Variants in BAZ1A observed in about 807,000 individuals in gnomAD.
BAZ1A encodes the protein bromodomain adjacent to zinc finger domain protein 1A.
BAZ1A carries 50 observed loss-of-function variants against 185.2 expected under a neutral mutation model. The observed-to-expected ratio is 0.27, with a 90% CI of 0.22 to 0.34. BAZ1A has a LOEUF of 0.34. BAZ1A is among the 10% of genes least tolerant of loss of function. The pLI is 1.00. For missense variants in BAZ1A, 1,356 were observed against 1,839.9 expected (o/e 0.74, Z 4.81); for synonymous variants, 571 against 615.6 (o/e 0.93, Z 1.07).
intron 24 of BAZ1A, 23 bp downstream of exon 24, chr14:34,761,734 G>A (rs753182754): frequency 6.4e-7 from 1 of 1,553,312 alleles, no homozygotes; most frequent in South Asian, 1.2e-5. Flanking sequence ...CCTAGGGAAG[G>A]AAGAGTTTAG....
chr14:34,872,998 TAACAA>T (rs1301537190), intron 2 of BAZ1A, among the ~76,000 whole-genome samples: 2 of 145,660 alleles, frequency 1.4e-5, no homozygotes, highest in African/African-American at 5.1e-5. Context: ...TCTATTTGAG[TAACAA>T]AACAAGTCTC....
intron 3 of BAZ1A, 100 bp downstream of exon 3, chr14:34,861,944 A>G: frequency 7.5e-7 from 1 of 1,329,308 alleles, no homozygotes; most frequent in East Asian, 2.3e-5. Flanking sequence ...GCTAGAGCAT[A>G]GTAAAAGGGA....
rs545559436 is a variant in BAZ1A, at chr14:34,795,863, C to A, written c.1129-98G>T. On this transcript the variant is annotated intron_variant, in intron 9 of 26. Transcript: ENST00000360310. ...TTGTTAGAAATGCAAATACTTGGACCTTACCCCATACCTACTGAAGCAGTA... is the reference window on the plus strand; with the variant it reads ...TTGTTAGAAATGCAAATACTTGGACATTACCCCATACCTACTGAAGCAGTA... 22 of 842,542 alleles carry A rather than the reference C, an allele frequency of 2.6e-5. No individual in the cohort carries two copies. The East Asian group carries it at 5.5e-4, about 21-fold the overall frequency. The allele number at this position is 842,542 out of a possible 1,614,324, so 52.2% of individuals were successfully genotyped here.
intron 3 of BAZ1A, among the ~76,000 whole-genome samples, chr14:34,846,973 G>A (rs751614958): frequency 3.3e-5 from 5 of 152,096 alleles, no homozygotes; most frequent in Non-Finnish European, 7.4e-5. Flanking sequence ...ATCATCAGCC[G>A]GGCATGGTGG....
At chr14:34,818,351 G>A (rs1245840990) in intron 4 of BAZ1A, among the ~76,000 whole-genome samples, 4 of 152,200 alleles carry the variant, frequency 2.6e-5, no homozygotes, top group African/African-American at 9.7e-5. Context: ...CAAAGTTATA[G>A]CTTAATGGAT....
At chr14:34,778,221 C>T (rs762645474) in intron 17 of BAZ1A, among the ~76,000 whole-genome samples, 32 of 152,180 alleles carry the variant, frequency 2.1e-4, no homozygotes, top group Non-Finnish European at 3.8e-4. Context: ...CCCTTTCCTC[C>T]TTCCCATTTC....
chr14:34,776,364 G>A lies in BAZ1A; in HGVS notation c.2388C>T (p.Ala796=), dbSNP rs1240149850. The A allele has an allele frequency of 6.2e-7, 1 of 1,614,104 alleles. No individual in the cohort carries two copies. The highest frequency in any genetic ancestry group is 2.2e-5 in the East Asian group (1 of 44,886). The part of the protein sequence containing the change: ...EKELLEKIQS[A]IACTNIFPLG... ...AGGGAAAGATATTGGTACAGGCTAT[G>A]GCACTTTGGATTTTTTCTAAGAGCT... Residue 796 remains alanine (A), a synonymous_variant, in exon 18 of 27, where the codon GCC becomes GCT. Coordinates refer to ENST00000360310, the MANE Select transcript of BAZ1A (RefSeq NM_013448.3).
At chr14:34,849,245 G>A (rs771650896) in intron 3 of BAZ1A, among the ~76,000 whole-genome samples, 2 of 152,176 alleles carry the variant, frequency 1.3e-5, no homozygotes, top group Non-Finnish European at 2.9e-5. Flanking sequence ...AGCTATGATC[G>A]CTGCATTCCA....
intron 16 of BAZ1A, among the ~76,000 whole-genome samples, chr14:34,782,890 C>T (rs1342536822): frequency 1.3e-5 from 2 of 152,258 alleles, no homozygotes; most frequent in African/African-American, 2.4e-5. Context: ...CTCTATACAG[C>T]ACAGAATAAC....
At chr14:34,786,605 GTTTTTTTTT>G (rs1205690538) in intron 12 of BAZ1A, 1 of 119,186 alleles carries the variant, frequency 8.4e-6, no homozygotes, top group Non-Finnish European at 1.7e-5. Flanking sequence ...TTTTATGTGT[GTTTTTTTTT>G]TTTTTTTTTT....
chr14:34,792,044 A>C (rs547215738), intron 12 of BAZ1A, among the ~76,000 whole-genome samples: 1 of 152,346 alleles, frequency 6.6e-6, no homozygotes, highest in African/African-American at 2.4e-5. Context: ...CAGATCTAAA[A>C]TGAAATCAGC....
At chr14:34,820,123 T>TTTG (rs1491205857) in intron 4 of BAZ1A, among the ~76,000 whole-genome samples, 3 of 9,412 alleles carry the variant, frequency 3.2e-4, no homozygotes, top group Non-Finnish European at 1.9e-3. Context: ...GGGTTCCTCG[T>TTTG]TTTTTTTTTT....
chr14:34,814,706 G>T (rs2041980359), intron 4 of BAZ1A, among the ~76,000 whole-genome samples: 1 of 151,742 alleles, frequency 6.6e-6, no homozygotes, highest in South Asian at 2.1e-4. Flanking sequence ...GAACTCCAGG[G>T]CTCAAGCAAT....
intron 3 of BAZ1A, among the ~76,000 whole-genome samples, chr14:34,851,732 A>AG: frequency 6.6e-6 from 1 of 152,016 alleles, no homozygotes; most frequent in Non-Finnish European, 1.5e-5. Context: ...GGTGGGAGGG[A>AG]GGATCCCTTG....
intron 3 of BAZ1A, among the ~76,000 whole-genome samples, chr14:34,860,552 AAAAC>A (rs1397088516): frequency 6.6e-5 from 10 of 151,456 alleles, no homozygotes; most frequent in African/African-American, 1.7e-4. Flanking sequence ...AAAAAAAACA[AAAAC>A]AAACCCAGAG....
intron 2 of BAZ1A, among the ~76,000 whole-genome samples, chr14:34,871,610 C>T (rs1352322051): frequency 6.6e-6 from 1 of 152,236 alleles, no homozygotes; most frequent in Non-Finnish European, 1.5e-5. Context: ...CGGTGGCTCA[C>T]GCCTGTAATC....
At chr14:34,812,633 G>A (rs1320074797) in intron 4 of BAZ1A, among the ~76,000 whole-genome samples, 1 of 152,146 alleles carries the variant, frequency 6.6e-6, no homozygotes, top group Non-Finnish European at 1.5e-5. Context: ...AGAAGAGGTA[G>A]GATTCTGAAA....
At chr14:34,770,936 GAA>G (rs3062585) in intron 21 of BAZ1A, among the ~76,000 whole-genome samples, 87,583 of 149,406 alleles carry the variant, frequency 0.59, 25,570 homozygotes, top group South Asian at 0.68. Flanking sequence ...TCAAATAACA[GAA>G]AAAAAAAAAA....
chr14:34,848,547 A>G (rs2042550557), intron 3 of BAZ1A, among the ~76,000 whole-genome samples: 1 of 152,200 alleles, frequency 6.6e-6, no homozygotes, highest in Admixed American at 6.5e-5. Context: ...AGTTGCAGTG[A>G]GCCAAAATCG....
Sources: allele counts gnomAD v4.1 joint callset (sites outside exome capture counted in the v4.1 genomes callset), GRCh38; gene constraint gnomAD v4.1.1; transcripts MANE v1.5; gene names NCBI Gene and HGNC (gene_info 2026-07-23, HGNC 2026-07-21).